HHAT: variants seen among roughly 807,000 people sequenced by gnomAD.
HHAT encodes protein-cysteine N-palmitoyltransferase HHAT.
Under a neutral mutation model 70.8 loss-of-function variants are expected in HHAT, and 47 were observed. That is an observed-to-expected ratio of 0.66 (90% CI 0.53 to 0.85). The LOEUF (loss-of-function observed/expected upper bound fraction) is 0.85, where lower values mean the gene tolerates loss of function less well. Among genes scored for constraint, HHAT ranks in the 40% least tolerant of loss-of-function variants. HHAT has a pLI of 0.00. For missense variants in HHAT, 609 were observed against 604.8 expected (o/e 1.01, Z -0.07); for synonymous variants, 228 against 247.6 (o/e 0.92, Z 0.74).
intron 9 of HHAT, among the ~76,000 whole-genome samples, chr1:210,521,226 G>A (rs890692192): frequency 6.6e-6 from 1 of 152,218 alleles, no homozygotes; most frequent in Non-Finnish European, 1.5e-5. Flanking sequence ...GAGAGAGAAG[G>A]TAGAACATGA....
intron 8 of HHAT, among the ~76,000 whole-genome samples, chr1:210,474,162 A>T (rs1429821426): frequency 6.6e-6 from 1 of 152,040 alleles, no homozygotes; most frequent in Non-Finnish European, 1.5e-5. Context: ...TAGAAAGACC[A>T]CCCCCCATAG....
At chr1:210,614,191 G>A (rs1463189021) in intron 10 of HHAT, among the ~76,000 whole-genome samples, 1 of 151,866 alleles carries the variant, frequency 6.6e-6, no homozygotes, top group Non-Finnish European at 1.5e-5. Context: ...AAATAGAATT[G>A]CTTTCTTAAT....
At chr1:210,584,916 A>G (rs1660099038) in intron 9 of HHAT, among the ~76,000 whole-genome samples, 1 of 152,256 alleles carries the variant, frequency 6.6e-6, no homozygotes, top group Admixed American at 6.5e-5. Context: ...GCCTAAAGAC[A>G]TGCTCAACAG....
intron 7 of HHAT, among the ~76,000 whole-genome samples, chr1:210,434,106 A>G (rs2093320555): frequency 6.6e-6 from 1 of 152,002 alleles, no homozygotes; most frequent in African/African-American, 2.4e-5. Flanking sequence ...GAAGGTTTAA[A>G]AAAGAAGAAG....
rs560176660 is a variant in HHAT at position 210,625,855 on chromosome 1, C to G, written c.1390+2185C>G. Among the ~76,000 whole-genome samples, 8 of 152,308 alleles carry G rather than the reference C, an allele frequency of 5.3e-5. No individual in the cohort carries two copies. In the South Asian group the frequency reaches 1.5e-3, roughly 28 times the overall value. ...GGAAGAGAACATGAGACTGGTGCAC[C>G]AGGTGCTCAAACATGTGACATTTCT... On this transcript the variant is annotated intron_variant, in intron 11 of 11. Coordinates refer to ENST00000261458, the MANE Select transcript of HHAT (RefSeq NM_018194.6).
chr1:210,406,149 A>G (rs569957663), intron 6 of HHAT, among the ~76,000 whole-genome samples: 15 of 152,148 alleles, frequency 9.9e-5, no homozygotes, highest in African/African-American at 3.1e-4. Flanking sequence ...CTCTTTTACA[A>G]TCTCCTTACC....
At chr1:210,434,857 CTT>C (rs1158660477) in intron 7 of HHAT, among the ~76,000 whole-genome samples, 3 of 151,792 alleles carry the variant, frequency 2.0e-5, no homozygotes, top group African/African-American at 7.3e-5. Context: ...ATTAAGAAAA[CTT>C]TTTAACTTGT....
In HHAT at chr1:210,404,500, C is replaced by T. The variant is rs755028031; in HGVS notation, c.505C>T (p.Leu169=). The T allele has an allele frequency of 6.2e-7, 1 of 1,612,952 alleles. No individual in the cohort carries two copies. Among genetic ancestry groups the T allele is most frequent in the Non-Finnish European group, 8.5e-7 (1 of 1,179,852 alleles). The change falls in exon 6 of 12, where the codon CTG becomes TTG. Residue 169 remains leucine (L), a synonymous_variant. Transcript: ENST00000261458. ...CAAGACAGAAAACGAGTACTACCTG[C>T]TGCAGTTCACGCTGACCGTTCGCTG... ...WYKTENEYYL[L]QFTLTVRCLY... is the part of the protein sequence containing the mutation.
chr1:210,435,400 T>C (rs1265324979), intron 7 of HHAT, among the ~76,000 whole-genome samples: 2 of 151,956 alleles, frequency 1.3e-5, no homozygotes, highest in Non-Finnish European at 2.9e-5. Context: ...TTGCATATTT[T>C]GGTTATTGTG....
At chr1:210,376,950 C>T (rs1426364804) in intron 3 of HHAT, among the ~76,000 whole-genome samples, 2 of 152,210 alleles carry the variant, frequency 1.3e-5, no homozygotes, top group Non-Finnish European at 2.9e-5. Context: ...CCCTGGGGGC[C>T]TCCAACATTT....
At chr1:210,654,551 C>A (rs1479380200) in intron 11 of HHAT, among the ~76,000 whole-genome samples, 7 of 152,222 alleles carry the variant, frequency 4.6e-5, no homozygotes, top group Admixed American at 2.0e-4. Context: ...ACATCAGATT[C>A]TTTTCTCCCT....
intron 6 of HHAT, among the ~76,000 whole-genome samples, chr1:210,410,653 A>C (rs1182816306): frequency 6.7e-6 from 1 of 150,374 alleles, no homozygotes; most frequent in Admixed American, 6.6e-5. Context: ...CAGCCTCCCG[A>C]GTAGCTGGGA....
chr1:210,431,859 G>A (rs1226105817), intron 7 of HHAT, among the ~76,000 whole-genome samples: 3 of 151,828 alleles, frequency 2.0e-5, no homozygotes, highest in Non-Finnish European at 2.9e-5. Context: ...AAGTAGCAGT[G>A]TAGTGTTTCA....
intron 7 of HHAT, among the ~76,000 whole-genome samples, chr1:210,446,571 A>G (rs185885740): frequency 7.6e-4 from 116 of 152,240 alleles, no homozygotes; most frequent in African/African-American, 2.8e-3. Context: ...GTGGTCCGGC[A>G]CCTGCCACCG....
chr1:210,512,253 C>T (rs1456233545), intron 8 of HHAT, among the ~76,000 whole-genome samples: 1 of 152,182 alleles, frequency 6.6e-6, no homozygotes, highest in Non-Finnish European at 1.5e-5. Flanking sequence ...AGGTGGAAAG[C>T]TCCAGGACTA....
chr1:210,396,224 A>G (rs1282413064), intron 4 of HHAT, among the ~76,000 whole-genome samples: 1 of 152,110 alleles, frequency 6.6e-6, no homozygotes, highest in East Asian at 1.9e-4. Context: ...TTCATCTCCT[A>G]TTAGAAATGG....
chr1:210,573,993 G>A (rs1657017852), intron 9 of HHAT, among the ~76,000 whole-genome samples: 1 of 152,204 alleles, frequency 6.6e-6, no homozygotes, highest in Non-Finnish European at 1.5e-5. Context: ...CCTGAATTTG[G>A]AGTCTAAATT....
chr1:210,450,850 G>A (rs2093739751), intron 7 of HHAT, among the ~76,000 whole-genome samples: 1 of 151,928 alleles, frequency 6.6e-6, no homozygotes, highest in Non-Finnish European at 1.5e-5. Context: ...TTTGTTAAAA[G>A]TGCGGGCAGA....
At chr1:210,631,308 T>G in intron 11 of HHAT, 1 of 356,484 alleles carries the variant, frequency 2.8e-6, no homozygotes, top group Non-Finnish European at 5.5e-6. Flanking sequence ...CAGTCTAAAG[T>G]GCCTGGTTAA....
Sources: gnomAD v4.1 joint callset for allele counts (sites outside exome capture counted in the v4.1 genomes callset) on GRCh38, gnomAD v4.1.1 for gene constraint, MANE v1.5 for transcripts, NCBI Gene and HGNC (gene_info 2026-07-23, HGNC 2026-07-21) for gene names.